PCDH9: variants seen among roughly 807,000 people sequenced by gnomAD.
PCDH9 encodes protocadherin 9.
PCDH9 carries 24 observed loss-of-function variants against 70.6 expected under a neutral mutation model. The ratio of observed to expected loss-of-function variants is 0.34; its 90% CI spans 0.25 to 0.48. PCDH9 has a LOEUF of 0.48. Ranked by LOEUF, PCDH9 falls within the 20% of genes least tolerant of loss-of-function variation. The pLI is 0.99. For synonymous variants in PCDH9, 562 were observed against 558.5 expected, an observed-to-expected ratio of 1.01 and a Z score of -0.09; for missense variants, 1,281 against 1,503.6, an observed-to-expected ratio of 0.85 and a Z score of 2.45.
intron 4 of PCDH9, among the ~76,000 whole-genome samples, chr13:66,432,908 G>T (rs533070600): frequency 1.9e-3 from 282 of 151,998 alleles, no homozygotes; most frequent in African/African-American, 6.5e-3. Flanking sequence ...ATTAATCCCA[G>T]GGCATAGACT....
chr13:67,226,841 C>T lies in PCDH9; in HGVS notation c.1600G>A (p.Glu534Lys). Reference protein sequence around the residue: ...LTASRVFDREEQERFIFTVTA... With the variant: ...LTASRVFDREKQERFIFTVTA... ...ACTGTAAAAATGAATCGTTCTTGTT[C>T]TTCTCTGTCAAATACTCTGGAGGCT... Residue 534 changes from glutamate (E) to lysine (K), a missense_variant, in exon 2 of 5, where the codon GAA becomes AAA. Physicochemically the swap from Glu to Lys is moderately conservative, Grantham distance 56. This residue lies in a region of PCDH9 where 798 missense variants were observed against 1,003.1 expected (regional missense o/e 0.80). Coordinates refer to ENST00000377865, the MANE Select transcript of PCDH9 (RefSeq NM_203487.3). This position sits in a 1 kb window ranked among gnomAD's most constrained non-coding sequence, Gnocchi z 5.0. 6.2e-7 allele frequency: 1 copy of T among 1,614,120 alleles called. No individual in the cohort carries two copies. Among genetic ancestry groups the T allele is most frequent in the South Asian group, 1.1e-5 (1 of 91,072 alleles).
At chr13:66,680,580 G>T (rs768962215) in intron 3 of PCDH9, among the ~76,000 whole-genome samples, 16 of 120,222 alleles carry the variant, frequency 1.3e-4, no homozygotes, top group Non-Finnish European at 2.8e-4. Context: ...AATTTTTTCA[G>T]GTCGAACTTT....
chr13:66,498,709 G>A (rs1466404485), intron 4 of PCDH9, among the ~76,000 whole-genome samples: 1 of 151,846 alleles, frequency 6.6e-6, no homozygotes, highest in Non-Finnish European at 1.5e-5. Context: ...TTTTAATAAG[G>A]TCCTGAAAAA....
At chr13:66,897,685 G>T (rs1594226117) in intron 3 of PCDH9, among the ~76,000 whole-genome samples, 1 of 152,172 alleles carries the variant, frequency 6.6e-6, no homozygotes, top group Middle Eastern at 3.4e-3. Flanking sequence ...CTATACTACT[G>T]CAGTATAAGT....
chr13:67,110,937 C>CTTATCCA lies in PCDH9; in HGVS notation c.3036+114461_3036+114467dup, dbSNP rs2086647560. 5.3e-5 allele frequency among the ~76,000 whole-genome samples: 8 copies of CTTATCCA among 152,210 alleles called. No individual in the cohort carries two copies. The South Asian group carries it at 1.4e-3, about 28-fold the overall frequency. On this transcript the variant is annotated intron_variant, in intron 2 of 4. Coordinates refer to ENST00000377865, the MANE Select transcript of PCDH9 (RefSeq NM_203487.3). ...AATTAATTGTTCACAGGATTATAGG[C>CTTATCCA]TTATCCATTAGAATGCAAATTCCAT...
chr13:66,653,984 A>AAAAAAG (rs1466402464), intron 3 of PCDH9, among the ~76,000 whole-genome samples: 4 of 150,486 alleles, frequency 2.7e-5, no homozygotes, highest in South Asian at 4.2e-4. Context: ...AAAAAAAAAA[A>AAAAAAG]AATAGAAAGA....
At chr13:66,733,530 A>T (rs1374054235) in intron 3 of PCDH9, among the ~76,000 whole-genome samples, 15 of 152,310 alleles carry the variant, frequency 9.8e-5, no homozygotes, top group Middle Eastern at 3.4e-3. Flanking sequence ...TTCATATGCT[A>T]CAAATGAACA....
rs568391956 is a variant in PCDH9 at position 66,387,421 on chromosome 13, G to T, written c.3341-82393C>A. ...CTCATATTGAAACTTGGTCCCCATT[G>T]TTGGAGGTGGGGCCTGGTGAGAGGA... On this transcript the variant is annotated intron_variant, in intron 4 of 4. Transcript: ENST00000377865. Among the ~76,000 whole-genome samples the T allele has an allele frequency of 2.6e-5, 4 of 151,952 alleles. 1 individual carries two copies. The South Asian group carries it at 8.3e-4, about 31-fold the overall frequency.
intron 3 of PCDH9, among the ~76,000 whole-genome samples, chr13:66,891,543 T>C (rs1042901588): frequency 2.0e-5 from 3 of 152,108 alleles, no homozygotes; most frequent in Admixed American, 1.3e-4. Context: ...AGATGTTATG[T>C]CCTAAATACC....
At chr13:66,492,425 A>G (rs1023212966) in intron 4 of PCDH9, among the ~76,000 whole-genome samples, 3 of 148,676 alleles carry the variant, frequency 2.0e-5, no homozygotes, top group African/African-American at 2.4e-5. Flanking sequence ...TATGTAACCT[A>G]GTTAATGTTT....
chr13:67,090,394 C>T (rs577271039), intron 2 of PCDH9, among the ~76,000 whole-genome samples: 25 of 151,920 alleles, frequency 1.6e-4, no homozygotes, highest in South Asian at 1.0e-3. Context: ...ATTTTATTAC[C>T]GAATACATGT....
At chr13:66,838,673 G>T (rs554999922) in intron 3 of PCDH9, among the ~76,000 whole-genome samples, 1 of 151,816 alleles carries the variant, frequency 6.6e-6, no homozygotes, top group East Asian at 1.9e-4. Flanking sequence ...TATTACAGTC[G>T]AAATAAAATG....
intron 4 of PCDH9, among the ~76,000 whole-genome samples, chr13:66,577,306 T>G (rs2138766244): frequency 6.6e-6 from 1 of 152,060 alleles, no homozygotes; most frequent in African/African-American, 2.4e-5. Context: ...AAGCATAGAA[T>G]TATTACTTGC....
intron 4 of PCDH9, among the ~76,000 whole-genome samples, chr13:66,459,721 C>T (rs1004361957): frequency 2.0e-5 from 3 of 151,956 alleles, no homozygotes; most frequent in Non-Finnish European, 2.9e-5. Flanking sequence ...AAAATGTATT[C>T]GCATGCTTTA....
intron 2 of PCDH9, among the ~76,000 whole-genome samples, chr13:67,160,420 G>A (rs1377030577): frequency 1.3e-5 from 2 of 152,032 alleles, no homozygotes; most frequent in East Asian, 1.9e-4. Context: ...GGTGGCGGGC[G>A]CCTGTAGTCC....
intron 2 of PCDH9, among the ~76,000 whole-genome samples, chr13:67,091,481 A>G (rs1284499412): frequency 6.6e-6 from 1 of 152,094 alleles, no homozygotes; most frequent in African/African-American, 2.4e-5. Flanking sequence ...CTTGCTGCCA[A>G]TGTTGTTCTC....
At chr13:66,481,684 G>C (rs1004101544) in intron 4 of PCDH9, among the ~76,000 whole-genome samples, 1 of 152,080 alleles carries the variant, frequency 6.6e-6, no homozygotes, top group African/African-American at 2.4e-5. Flanking sequence ...TAAAACATCT[G>C]TGTTGTTAAA....
At chr13:67,158,644 T>C (rs1286004392) in intron 2 of PCDH9, among the ~76,000 whole-genome samples, 1 of 152,208 alleles carries the variant, frequency 6.6e-6, no homozygotes, top group Non-Finnish European at 1.5e-5. Flanking sequence ...GCCAGCATCT[T>C]CATCTTGGAC....
intron 3 of PCDH9, among the ~76,000 whole-genome samples, chr13:66,764,895 T>C (rs1361185874): frequency 3.9e-5 from 6 of 152,000 alleles, no homozygotes; most frequent in African/African-American, 1.2e-4. Flanking sequence ...ATCATATCGA[T>C]TTTTTGAGAA....
Sources: gnomAD v4.1 joint callset for allele counts (sites outside exome capture counted in the v4.1 genomes callset) on GRCh38, gnomAD v4.1.1 for gene constraint, gnomAD v4.1.1 regional missense constraint, Gnocchi (gnomAD v3.1) non-coding constraint, MANE v1.5 for transcripts, NCBI Gene and HGNC (gene_info 2026-07-23, HGNC 2026-07-21) for gene names.